CACNA1G: variants seen among roughly 807,000 people sequenced by gnomAD.
CACNA1G encodes the protein calcium voltage-gated channel subunit alpha1 G, also known as voltage-dependent T-type calcium channel subunit alpha-1G.
A neutral mutation model predicts 219.4 loss-of-function variants in CACNA1G; 67 were observed. That is an observed-to-expected ratio of 0.31 (90% CI 0.25 to 0.37). CACNA1G has a LOEUF of 0.37. CACNA1G is among the 10% of genes least tolerant of loss of function. The pLI is 1.00. For missense variants in CACNA1G, 2,380 were observed against 3,231.4 expected (o/e 0.74, Z 6.39); for synonymous variants, 1,296 against 1,345.3 (o/e 0.96, Z 0.80).
In CACNA1G at chr17:50,578,501, C is replaced by A; in HGVS notation, c.2238C>A (p.Gly746=). 2 of 1,585,858 alleles carry A rather than the reference C, an allele frequency of 1.3e-6. No homozygotes were observed. Among genetic ancestry groups the A allele is most frequent in the Non-Finnish European group, 1.7e-6 (2 of 1,164,048 alleles). The part of the protein sequence containing the change: ...FRKIVDSKYF[G]RGIMIAILVN... ...AGATTGTGGACAGCAAGTACTTTGG[C>A]CGGGGAATCATGATCGCCATCCTGG... Residue 746 remains glycine, a synonymous_variant, in exon 9 of 38, where the codon GGC becomes GGA. Coordinates refer to ENST00000359106, the MANE Select transcript of CACNA1G (RefSeq NM_018896.5). This position sits in a 1 kb window ranked among gnomAD's most constrained non-coding sequence, Gnocchi z 4.5.
In CACNA1G at chr17:50,578,392, G is replaced by A. The variant is rs779685133; in HGVS notation, c.2129G>A (p.Ser710Asn). The A allele has an allele frequency of 1.9e-6, 3 of 1,613,336 alleles. No homozygotes were observed. The highest frequency in any genetic ancestry group is 2.5e-6 in the Non-Finnish European group (3 of 1,179,846). ...AQHSDLRDPHSRRQRSLGPDA... is the reference protein window; with the variant it reads ...AQHSDLRDPHNRRQRSLGPDA... Reference sequence around the variant, plus strand: ...CACAGCGACCTCCGGGACCCCCACAGCCGGCGGCAACGGAGCCTGGGCCCA... The same window carrying A: ...CACAGCGACCTCCGGGACCCCCACAACCGGCGGCAACGGAGCCTGGGCCCA... The change falls in exon 9 of 38, where the codon AGC becomes AAC. Residue 710 changes from serine (S) to asparagine (N), a missense_variant. Ser to Asn is a conservative substitution (Grantham distance 46). Transcript: ENST00000359106. This position sits in a 1 kb window ranked among gnomAD's most constrained non-coding sequence, Gnocchi z 4.5.
At chr17:50,588,107 C>A (rs2043360202) in intron 9 of CACNA1G, among the ~76,000 whole-genome samples, 1 of 152,126 alleles carries the variant, frequency 6.6e-6, no homozygotes, top group African/African-American at 2.4e-5. Flanking sequence ...AGTTTATATG[C>A]CATGAAATTT....
At chr17:50,592,117 AC>A in intron 13 of CACNA1G, 25 bp downstream of exon 13, 2 of 1,593,748 alleles carry the variant, frequency 1.3e-6, no homozygotes, top group Non-Finnish European at 1.7e-6. Flanking sequence ...TGCCCACCTC[AC>A]CCTGCCCACA....
chr17:50,576,422 G>A lies in CACNA1G; in HGVS notation c.1924+96G>A, dbSNP rs538616256. ...GGGGTCTGGAGTCAGAGGGACCAGG[G>A]CTTATATTCTCATGCTGCCTCTCAT... is the stretch of plus-strand genomic sequence containing the variant. On this transcript the variant is annotated intron_variant, in intron 8 of 37. Transcript: ENST00000359106. The A allele has an allele frequency of 2.3e-5, 28 of 1,214,740 alleles. No individual in the cohort carries two copies. The East Asian group carries it at 7.2e-4, about 31-fold the overall frequency. 75.2% of individuals were successfully genotyped at this position (1,214,740 alleles called of 1,614,324 possible).
chr17:50,599,508 C>T lies in CACNA1G; in HGVS notation c.3339C>T (p.Leu1113=), dbSNP rs768736800. 14 of 1,606,384 alleles carry T rather than the reference C, an allele frequency of 8.7e-6. No homozygotes were observed. Among genetic ancestry groups the T allele is most frequent in the Admixed American group, 1.7e-5 (1 of 58,768 alleles). Residue 1113 remains leucine, a synonymous_variant, in exon 17 of 38, where the codon CTC becomes CTT. Transcript: ENST00000359106. ...GCAGGCGCTCCAGCCGGAACAGCCT[C>T]GGCCGTGCACCCAGCCTGAAGCGGA... ...WTSRRSSRNS[L]GRAPSLKRRS...
intron 1 of CACNA1G, among the ~76,000 whole-genome samples, chr17:50,566,308 C>CT (rs1305242461): frequency 7.0e-6 from 1 of 142,798 alleles, no homozygotes; most frequent in African/African-American, 2.6e-5. Flanking sequence ...GGTGAAAGAC[C>CT]CCCCCCCCAT....
Position 50,621,768 on chromosome 17 carries a change from C to G in CACNA1G, c.6034C>G (p.Leu2012Val). 1 of 1,613,948 alleles carries G rather than the reference C, an allele frequency of 6.2e-7. No homozygotes were observed. The highest frequency in any genetic ancestry group is 8.5e-7 in the Non-Finnish European group (1 of 1,179,872). Residue 2012 changes from leucine to valine, a missense_variant, in exon 35 of 38, where the codon CTC becomes GTC. Coordinates refer to ENST00000359106, the MANE Select transcript of CACNA1G (RefSeq NM_018896.5). The surrounding 1 kb of genome is among the most constrained non-coding windows in gnomAD (Gnocchi z 4.6). Reference protein sequence around the residue: ...DDSLPDDMHTLLLSALESNMQ... With the variant: ...DDSLPDDMHTVLLSALESNMQ... ...CTCTTTGCCTGATGACATGCACACACTCTTACTTAGTGCCCTGGAGAGCAA... is the reference window on the plus strand; with the variant it reads ...CTCTTTGCCTGATGACATGCACACAGTCTTACTTAGTGCCCTGGAGAGCAA...
In CACNA1G at chr17:50,603,297, G is replaced by A. The variant is rs770486265; in HGVS notation, c.4169+98G>A. 66 of 982,612 alleles carry A rather than the reference G, an allele frequency of 6.7e-5. No homozygotes were observed. The highest frequency in any genetic ancestry group is 5.1e-5 in the Non-Finnish European group (34 of 660,378). 60.9% of individuals were successfully genotyped at this position (982,612 alleles called of 1,614,324 possible). The stretch of plus-strand genomic sequence containing the variant: ...ACTCCCTGCCACGAAACAAAAGCCT[G>A]CACAGGCCAGCATCCTGTCTGTGAC... On this transcript the variant is annotated intron_variant, in intron 21 of 37. Transcript: ENST00000359106. This position sits in a 1 kb window ranked among gnomAD's most constrained non-coding sequence, Gnocchi z 6.4.
In CACNA1G at chr17:50,600,097, T is replaced by C. The variant is rs552891081; in HGVS notation, c.3690+238T>C. On this transcript the variant is annotated intron_variant, in intron 17 of 37. Transcript: ENST00000359106. This position sits in a 1 kb window ranked among gnomAD's most constrained non-coding sequence, Gnocchi z 4.1. The stretch of plus-strand genomic sequence containing the variant: ...TGCCACCCTTGGTGGATATGAATGA[T>C]TTTGGACAGATGTGTATGAATCTTT... 1.3e-5 allele frequency among the ~76,000 whole-genome samples: 2 copies of C among 152,326 alleles called. No individual in the cohort carries two copies. The highest frequency in any genetic ancestry group is 6.5e-5 in the Admixed American group (1 of 15,308).
At chr17:50,609,153 C>G (rs1265187135) in intron 25 of CACNA1G, among the ~76,000 whole-genome samples, 1 of 152,174 alleles carries the variant, frequency 6.6e-6, no homozygotes, top group East Asian at 1.9e-4. Context: ...CCCTGCCTCC[C>G]CTCTGCCCTC....
intron 34 of CACNA1G, 86 bp downstream of exon 34, chr17:50,619,912 GTTC>G: frequency 7.4e-7 from 1 of 1,345,458 alleles, no homozygotes; most frequent in South Asian, 1.5e-5. Flanking sequence ...AGCTGGGAGT[GTTC>G]CTGCCCACTG....
Position 50,618,577 on chromosome 17 carries a change from A to G in CACNA1G, c.5428-78A>G. 1 of 1,181,726 alleles carries G rather than the reference A, an allele frequency of 8.5e-7. No homozygotes were observed. Among genetic ancestry groups the G allele is most frequent in the South Asian group, 1.4e-5 (1 of 71,732 alleles). 73.2% of individuals were successfully genotyped at this position (1,181,726 alleles called of 1,614,324 possible). On this transcript the variant is annotated intron_variant, in intron 32 of 37. Transcript: ENST00000359106. The surrounding 1 kb of genome is among the most constrained non-coding windows in gnomAD (Gnocchi z 5.3). ...CCTTCCCATCCTCCAATGCTCTGTGACACCAGTGACCTGATTTTCCACAAC... is the reference window on the plus strand; with the variant it reads ...CCTTCCCATCCTCCAATGCTCTGTGGCACCAGTGACCTGATTTTCCACAAC...
intron 25 of CACNA1G, among the ~76,000 whole-genome samples, chr17:50,608,638 G>GGCCCTGGA (rs1191435235): frequency 2.0e-5 from 3 of 151,908 alleles, no homozygotes; most frequent in Non-Finnish European, 4.4e-5. Flanking sequence ...AATAACCTGG[G>GGCCCTGGA]GCCCTGGAGC....
At chr17:50,609,973 C>G in intron 26 of CACNA1G, 38 bp downstream of exon 26, 1 of 1,580,456 alleles carries the variant, frequency 6.3e-7, no homozygotes, top group Non-Finnish European at 8.6e-7. Flanking sequence ...CGTGTGGGGA[C>G]ATGCTCTTCA....
In CACNA1G at chr17:50,569,065, C is replaced by T; in HGVS notation, c.354+84C>T. The T allele has an allele frequency of 3.2e-6, 5 of 1,548,446 alleles. No individual in the cohort carries two copies. In the South Asian group the frequency reaches 3.6e-5, roughly 11 times the overall value. ...CTTAATCTTAATACCCTCTACTCCT[C>T]TGCAAGAGGCCCTGACCCAACTGGT... is the stretch of plus-strand genomic sequence containing the variant. On this transcript the variant is annotated intron_variant, in intron 2 of 37. Transcript: ENST00000359106.
At position 50,617,567 on chromosome 17, in the gene CACNA1G, C is replaced by T; in HGVS notation, c.5151C>T (p.Ala1717=). The T allele has an allele frequency of 6.2e-7, 1 of 1,613,878 alleles. No homozygotes were observed. Among genetic ancestry groups the T allele is most frequent in the Non-Finnish European group, 8.5e-7 (1 of 1,179,818 alleles). The change falls in exon 29 of 38, where the codon GCC becomes GCT. Residue 1717 remains alanine, a synonymous_variant. Transcript: ENST00000359106. This position sits in a 1 kb window ranked among gnomAD's most constrained non-coding sequence, Gnocchi z 5.8. ...IIRIMRVLRI[A]RVLKLLKMAV... ...GCATCATGAGGGTGCTGCGCATTGC[C>T]CGAGGTTGGTGCCCAGCCCACGCAC...
rs1379363085 is a variant in CACNA1G, at chr17:50,600,703, A to C, written c.3691-23A>C. 6.2e-7 allele frequency: 1 copy of C among 1,606,888 alleles called. No homozygotes were observed. Among genetic ancestry groups the C allele is most frequent in the Non-Finnish European group, 8.5e-7 (1 of 1,173,760 alleles). On this transcript the variant is annotated intron_variant, in intron 17 of 37. Transcript: ENST00000359106. This position sits in a 1 kb window ranked among gnomAD's most constrained non-coding sequence, Gnocchi z 4.1. The stretch of plus-strand genomic sequence containing the variant: ...GGAACCTGGAGGCCTGGTCCTGCTC[A>C]TACTCCAGTGTTTGTTCTGCAGAGC...
At chr17:50,585,334 A>C (rs1285208219) in intron 9 of CACNA1G, among the ~76,000 whole-genome samples, 2 of 152,124 alleles carry the variant, frequency 1.3e-5, no homozygotes, top group Non-Finnish European at 2.9e-5. Flanking sequence ...TTTAAGTAGC[A>C]GGGGCCTTGG....
At chr17:50,589,325 A>G (rs1389335165) in intron 9 of CACNA1G, among the ~76,000 whole-genome samples, 3 of 151,844 alleles carry the variant, frequency 2.0e-5, no homozygotes, top group Non-Finnish European at 4.4e-5. Flanking sequence ...CTCTCTCCCA[A>G]CTAAGCCTTT....
Sources: gnomAD v4.1 joint callset for allele counts (sites outside exome capture counted in the v4.1 genomes callset) on GRCh38, gnomAD v4.1.1 for gene constraint, Gnocchi (gnomAD v3.1) non-coding constraint, MANE v1.5 for transcripts, NCBI Gene and HGNC (gene_info 2026-07-23, HGNC 2026-07-21) for gene names.